Variants in ITGA9 observed in about 807,000 individuals in gnomAD.
ITGA9 encodes the protein integrin alpha-9.
A neutral mutation model predicts 127.8 loss-of-function variants in ITGA9; 56 were observed. The observed-to-expected ratio is 0.44, with a 90% CI of 0.35 to 0.55. The LOEUF is 0.55. ITGA9 is among the 20% of genes least tolerant of loss of function. ITGA9 has a pLI of 0.00. For missense variants in ITGA9, 1,196 were observed against 1,347.1 expected (o/e 0.89, Z 1.76); for synonymous variants, 508 against 514.5 (o/e 0.99, Z 0.17).
intron 26 of ITGA9, among the ~76,000 whole-genome samples, chr3:37,792,037 G>C (rs1697117591): frequency 1.3e-5 from 2 of 152,178 alleles, no homozygotes; most frequent in Admixed American, 6.5e-5. Flanking sequence ...ATGAAGAGGA[G>C]GGTTGTTGAA....
chr3:37,551,362 A>C (rs1352883134), intron 15 of ITGA9, among the ~76,000 whole-genome samples: 1 of 152,076 alleles, frequency 6.6e-6, no homozygotes, highest in South Asian at 2.1e-4. Context: ...GCTTGCTTGG[A>C]GGGGACTGGG....
chr3:37,562,612 A>G (rs970362462), intron 15 of ITGA9, among the ~76,000 whole-genome samples: 22 of 152,212 alleles, frequency 1.4e-4, no homozygotes, highest in African/African-American at 5.1e-4. Context: ...CAGTTTCCTC[A>G]AATTGGTCAG....
rs146570571 is a variant in ITGA9, at chr3:37,821,759, T to G, written c.*2770T>G. 1.3e-5 allele frequency: 2 copies of G among 151,976 alleles called. No homozygotes were observed. Among genetic ancestry groups the G allele is most frequent in the East Asian group, 3.9e-4 (2 of 5,094 alleles). The allele number at this position is 151,976 out of a possible 1,614,324, so 9.4% of individuals were successfully genotyped here. ...TTGATTCTGCGTGGGTGGACCCACATGAGCAGCTGTATACCCAGGAGGTCA... is the reference window on the plus strand; with the variant it reads ...TTGATTCTGCGTGGGTGGACCCACAGGAGCAGCTGTATACCCAGGAGGTCA... On this transcript the variant is annotated 3_prime_UTR_variant, in exon 28 of 28. Coordinates refer to ENST00000264741, the MANE Select transcript of ITGA9 (RefSeq NM_002207.3).
intron 6 of ITGA9, among the ~76,000 whole-genome samples, 183 bp from the exon 7 acceptor site, chr3:37,505,817 A>T (rs1162317862): frequency 1.3e-5 from 2 of 152,178 alleles, no homozygotes; most frequent in Non-Finnish European, 2.9e-5. Flanking sequence ...CCTTGTGAAC[A>T]TGACTTTTTG....
At chr3:37,525,024 G>T (rs1325204945) in intron 12 of ITGA9, among the ~76,000 whole-genome samples, 3 of 152,166 alleles carry the variant, frequency 2.0e-5, no homozygotes, top group African/African-American at 7.2e-5. Flanking sequence ...CCTAATGAGG[G>T]CATCATATAG....
At chr3:37,764,323 C>T (rs1461776329) in intron 23 of ITGA9, among the ~76,000 whole-genome samples, 3 of 152,020 alleles carry the variant, frequency 2.0e-5, no homozygotes, top group Non-Finnish European at 4.4e-5. Flanking sequence ...CATCCAACCC[C>T]TCCTCATCAT....
intron 15 of ITGA9, among the ~76,000 whole-genome samples, chr3:37,616,863 C>T (rs1224458794): frequency 6.6e-6 from 1 of 152,210 alleles, no homozygotes; most frequent in Non-Finnish European, 1.5e-5. Flanking sequence ...TGTGTCTCTG[C>T]ACGTGAGATG....
Position 37,452,545 on chromosome 3 carries a change from C to A in ITGA9, c.171C>A (p.His57Gln). The change falls in exon 1 of 28, where the codon CAC becomes CAA. Residue 57 changes from histidine (H) to glutamine (Q), a missense_variant. Coordinates refer to ENST00000264741, the MANE Select transcript of ITGA9 (RefSeq NM_002207.3). This position sits in a 1 kb window ranked among gnomAD's most constrained non-coding sequence, Gnocchi z 7.3. ...FFGYAVLEHF[H>Q]DNTRWVLVGA... The stretch of plus-strand genomic sequence containing the variant: ...GCTACGCAGTTCTGGAGCATTTCCA[C>A]GACAACACGCGCTGGTGAGTGCCCG... 4 of 1,523,000 alleles carry A rather than the reference C, an allele frequency of 2.6e-6. No homozygotes were observed. The highest frequency in any genetic ancestry group is 2.0e-5 in the Admixed American group (1 of 49,052). 94.3% of individuals were successfully genotyped at this position (1,523,000 alleles called of 1,614,324 possible).
chr3:37,753,506 T>C (rs1182310880), intron 23 of ITGA9, among the ~76,000 whole-genome samples: 8 of 152,158 alleles, frequency 5.3e-5, no homozygotes, highest in Admixed American at 5.2e-4. Flanking sequence ...AGAGGAACAG[T>C]CACCACTTGT....
chr3:37,799,511 G>A lies in ITGA9; in HGVS notation c.2890-4312G>A, dbSNP rs1387206298. 6.6e-6 allele frequency among the ~76,000 whole-genome samples: 1 copy of A among 152,220 alleles called. No individual in the cohort carries two copies. The highest frequency in any genetic ancestry group is 2.4e-5 in the African/African-American group (1 of 41,450). ...GAGGCTGGGGACCACCGGTCTCACA[G>A]AGGAGAGGCCTCTAACTGGCTAGAA... On this transcript the variant is annotated intron_variant, in intron 26 of 27. Transcript: ENST00000264741. The surrounding 1 kb of genome is among the most constrained non-coding windows in gnomAD (Gnocchi z 4.0).
At chr3:37,614,815 T>G (rs1199971051) in intron 15 of ITGA9, among the ~76,000 whole-genome samples, 1 of 152,218 alleles carries the variant, frequency 6.6e-6, no homozygotes, top group African/African-American at 2.4e-5. Flanking sequence ...ACATTGATTT[T>G]GCATCCTGAG....
intron 19 of ITGA9, among the ~76,000 whole-genome samples, chr3:37,735,963 G>A (rs957809103): frequency 6.6e-6 from 1 of 152,222 alleles, no homozygotes; most frequent in African/African-American, 2.4e-5. Flanking sequence ...AGGCTGAGAA[G>A]TTCAAGGTCA....
intron 17 of ITGA9, among the ~76,000 whole-genome samples, chr3:37,664,565 C>T (rs1436404492): frequency 6.6e-6 from 1 of 150,788 alleles, no homozygotes; most frequent in Non-Finnish European, 1.5e-5. Context: ...GTGTTACAGG[C>T]ATGCACCACC....
chr3:37,701,046 A>G (rs1488255258), intron 18 of ITGA9, among the ~76,000 whole-genome samples: 1 of 152,194 alleles, frequency 6.6e-6, no homozygotes, highest in African/African-American at 2.4e-5. Context: ...GGAACAGCCT[A>G]TGTCTGTGCC....
chr3:37,520,106 G>A (rs1699028953), intron 11 of ITGA9, among the ~76,000 whole-genome samples: 1 of 152,152 alleles, frequency 6.6e-6, no homozygotes, highest in Non-Finnish European at 1.5e-5. Context: ...ATATGTATTT[G>A]TATTTTAATT....
rs114649650 is a variant in ITGA9, at chr3:37,490,870, C to T, written c.545-3631C>T. Among the ~76,000 whole-genome samples the T allele has an allele frequency of 7.1e-3, 1,076 of 152,020 alleles. 13 individuals carry two copies. Among genetic ancestry groups the T allele is most frequent in the African/African-American group, 0.025 (1,018 of 41,480 alleles). On this transcript the variant is annotated intron_variant, in intron 4 of 27. Transcript: ENST00000264741. ...TGCAGGCCAAGTAATTCAAACCCACCCATGGCAGGAAGAGTTCCACAACCT... is the reference window on the plus strand; with the variant it reads ...TGCAGGCCAAGTAATTCAAACCCACTCATGGCAGGAAGAGTTCCACAACCT...
intron 16 of ITGA9, among the ~76,000 whole-genome samples, chr3:37,640,525 C>G (rs764522193): frequency 1.3e-5 from 2 of 152,146 alleles, no homozygotes; most frequent in Admixed American, 1.3e-4. Flanking sequence ...AGATAATCGT[C>G]CAGACCAGCT....
intron 17 of ITGA9, among the ~76,000 whole-genome samples, chr3:37,682,625 C>T (rs1315065123): frequency 2.0e-5 from 3 of 152,180 alleles, no homozygotes; most frequent in African/African-American, 7.2e-5. Flanking sequence ...ATGCATCCAC[C>T]TGCCTCAAAA....
intron 15 of ITGA9, among the ~76,000 whole-genome samples, chr3:37,598,741 A>T (rs1559545709): frequency 6.6e-6 from 1 of 152,154 alleles, no homozygotes; most frequent in Non-Finnish European, 1.5e-5. Flanking sequence ...TCACAACCAA[A>T]GGTGGTTCAT....
Sources: gnomAD v4.1 joint callset for allele counts (sites outside exome capture counted in the v4.1 genomes callset) on GRCh38, gnomAD v4.1.1 for gene constraint, Gnocchi (gnomAD v3.1) non-coding constraint, MANE v1.5 for transcripts, NCBI Gene and HGNC (gene_info 2026-07-23, HGNC 2026-07-21) for gene names.